SDHC: variants seen among roughly 807,000 people sequenced by gnomAD.
SDHC encodes succinate dehydrogenase complex subunit C.
In SDHC, 11 loss-of-function variants were observed where a neutral mutation model predicts 22.6. The ratio of observed to expected loss-of-function variants is 0.49; its 90% CI spans 0.31 to 0.81. The LOEUF (loss-of-function observed/expected upper bound fraction) is 0.81. SDHC is among the 30% of genes least tolerant of loss of function. SDHC has a pLI of 0.05. For synonymous variants in SDHC, 80 were observed against 77.8 expected, an observed-to-expected ratio of 1.03 and a Z score of -0.15; for missense variants, 160 against 212.0, an observed-to-expected ratio of 0.75 and a Z score of 1.52.
At position 161,323,620 on chromosome 1, in the gene SDHC, T is replaced by C; in HGVS notation, c.27T>C (p.Val9=). ...TGATTCTCTTATCTTGCAGACACGT[T>C]GGTCGTCATTGCCTCCGAGCCCACT... MAALLLRH[V]GRHCLRAHFS... The change falls in exon 2 of 6, where the codon GTT becomes GTC. Residue 9 remains valine (V), a synonymous_variant. Transcript: ENST00000367975. 6.2e-7 allele frequency: 1 copy of C among 1,613,438 alleles called. No individual in the cohort carries two copies.
chr1:161,361,104 C>T (rs74963273), intron 5 of SDHC, among the ~76,000 whole-genome samples: 17,803 of 151,732 alleles, frequency 0.12, 1,419 homozygotes, highest in African/African-American at 0.22. Flanking sequence ...AGTTCACGCC[C>T]GTAATGCCAG....
rs78514496 is a variant in SDHC at position 161,340,296 on chromosome 1, TAA to T, written c.180-289_180-288del. Among the ~76,000 whole-genome samples the T allele has an allele frequency of 0.1, 14,605 of 145,298 alleles. 893 individuals are homozygous for T. Among genetic ancestry groups the T allele is most frequent in the East Asian group, 0.21 (1,049 of 4,954 alleles). ...AGAGCAAGACCCTGTTCCGGGGGGG[TAA>T]AAAAAAAAGTGAAAAGACAGGAATG... On this transcript the variant is annotated intron_variant, in intron 3 of 5. Coordinates refer to ENST00000367975, the MANE Select transcript of SDHC (RefSeq NM_003001.5).
chr1:161,317,423 T>C (rs185638797), intron 1 of SDHC, among the ~76,000 whole-genome samples: 60 of 152,230 alleles, frequency 3.9e-4, no homozygotes, highest in African/African-American at 1.3e-3. Flanking sequence ...ACACGATGTT[T>C]TGAAATATGT....
intron 1 of SDHC, among the ~76,000 whole-genome samples, chr1:161,316,258 C>T (rs756669696): frequency 3.9e-5 from 6 of 152,200 alleles, no homozygotes; most frequent in Non-Finnish European, 7.3e-5. Context: ...ACGGTCAGGT[C>T]TTTCCCTTCC....
intron 4 of SDHC, among the ~76,000 whole-genome samples, chr1:161,351,585 C>T (rs1012432787): frequency 6.6e-6 from 1 of 152,182 alleles, no homozygotes; most frequent in African/African-American, 2.4e-5. Flanking sequence ...CTTCCTATTT[C>T]ACAACTGCTG....
rs1010554508 is a variant in SDHC at position 161,346,965 on chromosome 1, A to G, written c.241+6310A>G. On this transcript the variant is annotated intron_variant, in intron 4 of 5. Transcript: ENST00000367975. ...ATATTGTTTATGGAATAATAACAAG[A>G]AAAAAAAAGTGTACGTTTTCAGTAC... is the stretch of plus-strand genomic sequence containing the variant. 2.7e-5 allele frequency among the ~76,000 whole-genome samples: 4 copies of G among 149,184 alleles called. No individual in the cohort carries two copies. In the South Asian group the frequency reaches 8.3e-4, roughly 31 times the overall value.
chr1:161,346,931 T>C (rs1671919923), intron 4 of SDHC, among the ~76,000 whole-genome samples: 1 of 152,198 alleles, frequency 6.6e-6, no homozygotes, highest in Non-Finnish European at 1.5e-5. Context: ...AAACGCTATG[T>C]AAATAGTTAT....
At chr1:161,362,212 C>T (rs2102384086) in intron 5 of SDHC, 117 bp from the exon 6 acceptor site, 1 of 1,301,594 alleles carries the variant, frequency 7.7e-7, no homozygotes, top group Non-Finnish European at 1.1e-6. Context: ...GCGCTTTTCT[C>T]TAGAATCATG....
intron 4 of SDHC, among the ~76,000 whole-genome samples, chr1:161,350,829 A>G (rs982203999): frequency 2.0e-5 from 3 of 152,142 alleles, no homozygotes; most frequent in Non-Finnish European, 4.4e-5. Context: ...ACAGTTTTCT[A>G]TGAGCACCAC....
chr1:161,359,500 A>G (rs528225928), intron 5 of SDHC, among the ~76,000 whole-genome samples: 8 of 152,328 alleles, frequency 5.3e-5, no homozygotes, highest in East Asian at 1.9e-4. Flanking sequence ...CTGTAAAGAA[A>G]ATCAGCTGAT....
chr1:161,351,600 C>T (rs1672097533), intron 4 of SDHC, among the ~76,000 whole-genome samples: 1 of 152,154 alleles, frequency 6.6e-6, no homozygotes, highest in Non-Finnish European at 1.5e-5. Flanking sequence ...CTGCTGACTG[C>T]TACATCTTAG....
At chr1:161,351,028 A>G (rs1245404991) in intron 4 of SDHC, among the ~76,000 whole-genome samples, 1 of 152,174 alleles carries the variant, frequency 6.6e-6, no homozygotes, top group Non-Finnish European at 1.5e-5. Context: ...CCAAATATTC[A>G]GTGTTTATTC....
chr1:161,328,616 A>T (rs943513391), intron 3 of SDHC, 119 bp downstream of exon 3: 28 of 740,672 alleles, frequency 3.8e-5, no homozygotes, highest in Non-Finnish European at 5.6e-5. Flanking sequence ...TGCTATGTAG[A>T]TGAGGTGAAC....
At chr1:161,346,465 T>C (rs575656537) in intron 4 of SDHC, among the ~76,000 whole-genome samples, 3 of 151,930 alleles carry the variant, frequency 2.0e-5, no homozygotes, top group Admixed American at 2.0e-4. Flanking sequence ...AATAGCGCGA[T>C]CTCAGCTCAC....
intron 1 of SDHC, among the ~76,000 whole-genome samples, chr1:161,317,458 T>C (rs536031783): frequency 2.0e-5 from 3 of 152,012 alleles, no homozygotes; most frequent in South Asian, 2.1e-4. Context: ...TATTGACATA[T>C]GCATTACATC....
intron 4 of SDHC, among the ~76,000 whole-genome samples, chr1:161,346,096 C>T (rs1209784649): frequency 7.2e-5 from 11 of 152,182 alleles, no homozygotes; most frequent in East Asian, 1.9e-4. Flanking sequence ...TGAGCCACCA[C>T]GCCCAGCCAA....
chr1:161,355,893 A>C (rs188827126), intron 4 of SDHC, among the ~76,000 whole-genome samples: 1 of 151,860 alleles, frequency 6.6e-6, no homozygotes, highest in Non-Finnish European at 1.5e-5. Context: ...CTGAGGCACA[A>C]GAATGGCTTG....
chr1:161,317,691 A>G (rs1206731089), intron 1 of SDHC, among the ~76,000 whole-genome samples: 1 of 149,702 alleles, frequency 6.7e-6, no homozygotes, highest in Non-Finnish European at 1.5e-5. Context: ...CCTCCCAAGC[A>G]GCTAGGACTA....
At chr1:161,341,815 T>G (rs1671726322) in intron 4 of SDHC, among the ~76,000 whole-genome samples, 1 of 152,208 alleles carries the variant, frequency 6.6e-6, no homozygotes, top group Non-Finnish European at 1.5e-5. Context: ...AGTTGTAATT[T>G]ACTTGTTCAT....
Sources: gnomAD v4.1 joint callset for allele counts (sites outside exome capture counted in the v4.1 genomes callset) on GRCh38, gnomAD v4.1.1 for gene constraint, MANE v1.5 for transcripts, NCBI Gene and HGNC (gene_info 2026-07-23, HGNC 2026-07-21) for gene names.